SSH2: variants seen among roughly 807,000 people sequenced by gnomAD.
The protein encoded by SSH2 is protein phosphatase Slingshot homolog 2.
A neutral mutation model predicts 135.2 loss-of-function variants in SSH2; 37 were observed. The ratio of observed to expected loss-of-function variants is 0.27; its 90% confidence interval spans 0.21 to 0.36. The LOEUF (loss-of-function observed/expected upper bound fraction) is 0.36. SSH2 is among the 10% of genes least tolerant of loss of function. The pLI is 1.00. For synonymous variants in SSH2, 628 were observed against 646.2 expected, an observed-to-expected ratio of 0.97 and a Z score of 0.43; for missense variants, 1,408 against 1,765.3, an observed-to-expected ratio of 0.80 and a Z score of 3.63.
At chr17:29,922,526 AT>A (rs901666350) in intron 1 of SSH2, among the ~76,000 whole-genome samples, 1 of 152,252 alleles carries the variant, frequency 6.6e-6, no homozygotes, top group African/African-American at 2.4e-5. Context: ...CTCAAAAAAT[AT>A]ATCTTTTCAA....
intron 1 of SSH2, among the ~76,000 whole-genome samples, chr17:29,915,281 GAAAAAGCACATTCAGTTGCTTTGGA>G (rs2066861471): frequency 6.6e-6 from 1 of 152,164 alleles, no homozygotes; most frequent in South Asian, 2.1e-4. Flanking sequence ...GACACTTATA[GAAAAAGCACATTCAGTTGCTTTGGA>G]AATGCATCTA....
intron 6 of SSH2, among the ~76,000 whole-genome samples, chr17:29,680,409 C>T (rs1468326389): frequency 6.6e-6 from 1 of 151,374 alleles, no homozygotes; most frequent in Non-Finnish European, 1.5e-5. Context: ...TAGCTGGGTG[C>T]AGGGGCAGAC....
At chr17:29,728,062 T>G (rs2040059577) in intron 3 of SSH2, among the ~76,000 whole-genome samples, 1 of 152,002 alleles carries the variant, frequency 6.6e-6, no homozygotes, top group Non-Finnish European at 1.5e-5. Flanking sequence ...ACTTCTGGCC[T>G]CATGATACAC....
At chr17:29,914,157 C>T (rs1403921647) in intron 1 of SSH2, among the ~76,000 whole-genome samples, 2 of 152,108 alleles carry the variant, frequency 1.3e-5, no homozygotes, top group Non-Finnish European at 2.9e-5. Context: ...TTACAAGTCA[C>T]AGTTGAGGTG....
chr17:29,852,347 CT>C (rs1356764659), intron 1 of SSH2, among the ~76,000 whole-genome samples: 3 of 151,658 alleles, frequency 2.0e-5, no homozygotes, highest in Non-Finnish European at 4.4e-5. Context: ...TATTTTAAGA[CT>C]TTATATATAT....
chr17:29,695,299 A>G (rs1405738812), intron 5 of SSH2, among the ~76,000 whole-genome samples, 160 bp downstream of exon 5: 2 of 152,212 alleles, frequency 1.3e-5, no homozygotes, highest in Non-Finnish European at 2.9e-5. Flanking sequence ...GCTTACCAAC[A>G]GTCTTAAACC....
At position 29,902,415 on chromosome 17, in the gene SSH2, T is replaced by C. The variant is rs914515367; in HGVS notation, c.63+27523A>G. On this transcript the variant is annotated intron_variant, in intron 1 of 15. Transcript: ENST00000540801. Reference sequence around the variant, plus strand: ...CCAGTTTGCCCGTTCTAGTTAACACTTGTTGCACAGTGAAATGATCACTAG... The same window carrying C: ...CCAGTTTGCCCGTTCTAGTTAACACCTGTTGCACAGTGAAATGATCACTAG... Among the ~76,000 whole-genome samples, 7 of 152,186 alleles carry C rather than the reference T, an allele frequency of 4.6e-5. No homozygotes were observed. The East Asian group carries it at 1.3e-3, about 29-fold the overall frequency.
intron 3 of SSH2, among the ~76,000 whole-genome samples, chr17:29,706,859 T>G (rs1647240033): frequency 6.6e-6 from 1 of 152,128 alleles, no homozygotes; most frequent in African/African-American, 2.4e-5. Context: ...AAACACTATT[T>G]TAAGAACTTC....
At chr17:29,669,075 C>A (rs2037387559) in intron 9 of SSH2, among the ~76,000 whole-genome samples, 1 of 151,810 alleles carries the variant, frequency 6.6e-6, no homozygotes, top group Non-Finnish European at 1.5e-5. Flanking sequence ...ATGGTGAAAC[C>A]CCGTCTCTAC....
At chr17:29,701,485 C>G (rs1357355520) in intron 4 of SSH2, among the ~76,000 whole-genome samples, 2 of 146,958 alleles carry the variant, frequency 1.4e-5, no homozygotes, top group African/African-American at 5.0e-5. Context: ...AGAGGGCTAA[C>G]TGCAGTCTCA....
At chr17:29,727,201 T>C (rs1474133226) in intron 3 of SSH2, among the ~76,000 whole-genome samples, 1 of 152,168 alleles carries the variant, frequency 6.6e-6, no homozygotes, top group Non-Finnish European at 1.5e-5. Flanking sequence ...GTTCTGAAAC[T>C]ACCATTTTAA....
chr17:29,930,048 TG>T lies in SSH2; in HGVS notation c.-49del. 1 of 739,620 alleles carries T rather than the reference TG, an allele frequency of 1.4e-6. No individual in the cohort carries two copies. Among genetic ancestry groups the T allele is most frequent in the Non-Finnish European group, 1.7e-6 (1 of 598,654 alleles). 45.8% of individuals were successfully genotyped at this position (739,620 alleles called of 1,614,324 possible). A position where few individuals can be genotyped will look rare whatever the true frequency, so the allele number is the denominator to read the frequency against. ...GGGCAGGGCATTCTTGTCCTGAGTGTGGGGGACGGGAGGGTGACGGAGCCGG... is the reference window on the plus strand; with the variant it reads ...GGGCAGGGCATTCTTGTCCTGAGTGTGGGGACGGGAGGGTGACGGAGCCGG... On this transcript the variant is annotated 5_prime_UTR_variant, in exon 1 of 16. Coordinates refer to ENST00000540801, the MANE Select transcript of SSH2 (RefSeq NM_001282129.2).
chr17:29,639,677 AAGCTGCATG>A (rs1437008634), intron 14 of SSH2: 1 of 151,950 alleles, frequency 6.6e-6, no homozygotes, highest in Non-Finnish European at 1.5e-5. Flanking sequence ...CACCCTTTCC[AAGCTGCATG>A]AGCTCCAGCC....
intron 1 of SSH2, chr17:29,928,532 C>T: frequency 2.5e-6 from 1 of 398,536 alleles, no homozygotes; most frequent in East Asian, 3.6e-5. Flanking sequence ...CAAATTCTTC[C>T]TTACAATCAC....
intron 8 of SSH2, among the ~76,000 whole-genome samples, 194 bp from the exon 9 acceptor site, chr17:29,672,323 C>T (rs1036283384): frequency 2.0e-5 from 3 of 152,124 alleles, no homozygotes; most frequent in African/African-American, 4.8e-5. Flanking sequence ...AAGACATTTG[C>T]TGAAAGATAT....
intron 1 of SSH2, among the ~76,000 whole-genome samples, chr17:29,901,985 A>G (rs1160111360): frequency 2.0e-5 from 3 of 151,580 alleles, no homozygotes; most frequent in African/African-American, 7.3e-5. Flanking sequence ...AGAGGCTCCT[A>G]TCTCTTGCTC....
intron 1 of SSH2, among the ~76,000 whole-genome samples, chr17:29,880,272 A>G (rs2066113814): frequency 6.6e-6 from 1 of 152,134 alleles, no homozygotes; most frequent in Non-Finnish European, 1.5e-5. Flanking sequence ...GGCACGTACC[A>G]CCCATGACCA....
intron 1 of SSH2, among the ~76,000 whole-genome samples, chr17:29,911,545 G>A (rs1469878438): frequency 6.6e-6 from 1 of 152,144 alleles, no homozygotes; most frequent in Non-Finnish European, 1.5e-5. Flanking sequence ...GCTTGGCAGA[G>A]ACAGGATTCC....
intron 4 of SSH2, among the ~76,000 whole-genome samples, chr17:29,698,067 CTAAG>C (rs1360581160): frequency 6.6e-6 from 1 of 152,086 alleles, no homozygotes; most frequent in Non-Finnish European, 1.5e-5. Flanking sequence ...TGAAAACATG[CTAAG>C]TAAAAGGAGC....
Sources: allele counts gnomAD v4.1 joint callset (sites outside exome capture counted in the v4.1 genomes callset), GRCh38; gene constraint gnomAD v4.1.1; transcripts MANE v1.5; gene names NCBI Gene and HGNC (gene_info 2026-07-23, HGNC 2026-07-21).